Variants in TMCC1 observed in about 807,000 individuals in gnomAD.
The protein encoded by TMCC1 is transmembrane and coiled-coil domain family 1.
A neutral mutation model predicts 52.4 loss-of-function variants in TMCC1; 15 were observed. That is an observed-to-expected ratio of 0.29 (90% confidence interval 0.19 to 0.44). TMCC1 has a LOEUF of 0.44. TMCC1 is among the 20% of genes least tolerant of loss of function. The probability of loss-of-function intolerance (pLI) is 1.00; values close to 1 mark genes in which losing one functional copy is unlikely to be tolerated. For synonymous variants in TMCC1, 279 were observed against 301.9 expected (o/e 0.92, Z 0.79); for missense variants, 503 against 806.0 (o/e 0.62, Z 4.55).
intron 4 of TMCC1, among the ~76,000 whole-genome samples, chr3:129,805,900 C>T (rs996758612): frequency 9.2e-5 from 14 of 152,028 alleles, no homozygotes; most frequent in African/African-American, 3.4e-4. Context: ...CCACTGCACT[C>T]CAGCCTGGGC....
intron 4 of TMCC1, among the ~76,000 whole-genome samples, chr3:129,760,541 G>C (rs1248503675): frequency 1.3e-5 from 2 of 149,994 alleles, no homozygotes; most frequent in Non-Finnish European, 3.0e-5. Context: ...GTAGTGGCGC[G>C]ATCTCCGCTC....
At chr3:129,725,942 A>G (rs1442057891) in intron 4 of TMCC1, among the ~76,000 whole-genome samples, 1 of 152,150 alleles carries the variant, frequency 6.6e-6, no homozygotes, top group Non-Finnish European at 1.5e-5. Flanking sequence ...TAATGTTTTG[A>G]TTTCTACATT....
intron 2 of TMCC1, among the ~76,000 whole-genome samples, chr3:129,861,233 G>A (rs1465099082): frequency 6.6e-6 from 1 of 152,124 alleles, no homozygotes; most frequent in Non-Finnish European, 1.5e-5. Context: ...GAGGTCAGGA[G>A]ATCAAGACCA....
At chr3:129,676,417 T>A (rs1445727156) in intron 4 of TMCC1, among the ~76,000 whole-genome samples, 1 of 152,244 alleles carries the variant, frequency 6.6e-6, no homozygotes, top group East Asian at 1.9e-4. Flanking sequence ...ACTATGCTGC[T>A]TTGTCTGCAT....
At chr3:129,847,665 T>C (rs1334803674) in intron 2 of TMCC1, 1 of 152,234 alleles carries the variant, frequency 6.6e-6, no homozygotes, top group Non-Finnish European at 1.5e-5. Context: ...TTTGTGGATA[T>C]ACAGTTTCAT....
Position 129,828,593 on chromosome 3 carries a change from G to C in TMCC1, c.-130-85C>G. On this transcript the variant is annotated intron_variant, in intron 3 of 6. Coordinates refer to ENST00000393238, the MANE Select transcript of TMCC1 (RefSeq NM_001017395.5). This position sits in a 1 kb window ranked among gnomAD's most constrained non-coding sequence, Gnocchi z 4.1. ...GCAGAAACTCCAGTGTTAAAACAAAGAAAAACATGCTACTGGCCAAACAAA... is the reference window on the plus strand; with the variant it reads ...GCAGAAACTCCAGTGTTAAAACAAACAAAAACATGCTACTGGCCAAACAAA... The C allele has an allele frequency of 2.0e-6, 1 of 490,632 alleles. No individual in the cohort carries two copies. The highest frequency in any genetic ancestry group is 3.5e-6 in the Non-Finnish European group (1 of 281,784). The allele number at this position is 490,632 out of a possible 1,614,324, so 30.4% of individuals were successfully genotyped here. A position where few individuals can be genotyped will look rare whatever the true frequency, so the allele number is the denominator to read the frequency against.
intron 4 of TMCC1, among the ~76,000 whole-genome samples, chr3:129,765,318 T>A (rs1415267861): frequency 6.6e-6 from 1 of 152,082 alleles, no homozygotes; most frequent in Non-Finnish European, 1.5e-5. Context: ...GAAAAATAGC[T>A]GTCTTTAAAA....
chr3:129,734,685 A>C (rs2050804274), intron 4 of TMCC1, among the ~76,000 whole-genome samples: 1 of 152,170 alleles, frequency 6.6e-6, no homozygotes, highest in Non-Finnish European at 1.5e-5. Context: ...TCTGTCTCAA[A>C]AAACACAAAA....
intron 5 of TMCC1, among the ~76,000 whole-genome samples, chr3:129,664,079 C>T (rs755420213): frequency 4.1e-4 from 62 of 152,312 alleles, no homozygotes; most frequent in Admixed American, 3.1e-3. Context: ...GGGATGAGCT[C>T]ACCCATAAAT....
At chr3:129,760,281 C>T (rs1252921760) in intron 4 of TMCC1, among the ~76,000 whole-genome samples, 3 of 152,138 alleles carry the variant, frequency 2.0e-5, no homozygotes, top group Non-Finnish European at 4.4e-5. Context: ...ATAATCACAG[C>T]TTACCGCAGC....
At chr3:129,688,980 A>T (rs2089614985) in intron 4 of TMCC1, among the ~76,000 whole-genome samples, 1 of 152,230 alleles carries the variant, frequency 6.6e-6, no homozygotes, top group Non-Finnish European at 1.5e-5. Context: ...AATACAAAGA[A>T]AAAGCAATCT....
rs1361702525 is a variant in TMCC1, at chr3:129,671,199, G to A, written c.642C>T (p.Gly214=). Residue 214 remains glycine, a synonymous_variant, in exon 5 of 7, where the codon GGC becomes GGT. Coordinates refer to ENST00000393238, the MANE Select transcript of TMCC1 (RefSeq NM_001017395.5). ...TSSAVASSTD[G]SIHTDSVDGT... is the part of the protein sequence containing the mutation. Reference sequence around the variant, plus strand: ...CATCCACAGAGTCTGTGTGGATGCTGCCATCGGTACTGGAGGCCACTGCAC... The same window carrying A: ...CATCCACAGAGTCTGTGTGGATGCTACCATCGGTACTGGAGGCCACTGCAC... The A allele has an allele frequency of 1.2e-6, 2 of 1,614,056 alleles. No individual in the cohort carries two copies. The highest frequency in any genetic ancestry group is 1.7e-5 in the Admixed American group (1 of 59,990).
intron 4 of TMCC1, among the ~76,000 whole-genome samples, chr3:129,796,807 G>A (rs886406463): frequency 6.6e-5 from 10 of 152,144 alleles, no homozygotes; most frequent in Admixed American, 6.5e-4. Flanking sequence ...TCCAGTCTGC[G>A]CAACAGAGTG....
chr3:129,740,548 G>A (rs11929199), intron 4 of TMCC1, among the ~76,000 whole-genome samples: 260 of 152,172 alleles, frequency 1.7e-3, no homozygotes, highest in South Asian at 3.1e-3. Flanking sequence ...ACTCAACCAC[G>A]GGAAGGGTGA....
At chr3:129,787,744 G>C (rs1443921472) in intron 4 of TMCC1, among the ~76,000 whole-genome samples, 4 of 152,242 alleles carry the variant, frequency 2.6e-5, no homozygotes, top group Non-Finnish European at 5.9e-5. Flanking sequence ...AGTTTTTAAA[G>C]TGTTAATGAT....
At chr3:129,763,314 G>C (rs2053790107) in intron 4 of TMCC1, among the ~76,000 whole-genome samples, 1 of 149,258 alleles carries the variant, frequency 6.7e-6, no homozygotes, top group African/African-American at 2.5e-5. Context: ...GAGCCGAAGG[G>C]GACGGATCAC....
At chr3:129,703,154 C>T (rs1160482562) in intron 4 of TMCC1, among the ~76,000 whole-genome samples, 4 of 152,230 alleles carry the variant, frequency 2.6e-5, no homozygotes, top group Non-Finnish European at 4.4e-5. Context: ...TTCTTTGTTA[C>T]TTAATTTTCC....
At chr3:129,718,810 G>GTA (rs2049315949) in intron 4 of TMCC1, among the ~76,000 whole-genome samples, 1 of 152,068 alleles carries the variant, frequency 6.6e-6, no homozygotes, top group African/African-American at 2.4e-5. Context: ...TAAGAATAGA[G>GTA]TATATAATAC....
chr3:129,861,033 TA>T (rs1310891386), intron 2 of TMCC1: 1 of 152,156 alleles, frequency 6.6e-6, no homozygotes, highest in Non-Finnish European at 1.5e-5. Context: ...GGGGACAAAA[TA>T]AAACAAATGT....
Sources: allele counts gnomAD v4.1 joint callset (sites outside exome capture counted in the v4.1 genomes callset), GRCh38; gene constraint gnomAD v4.1.1; non-coding constraint Gnocchi (gnomAD v3.1); transcripts MANE v1.5; gene names NCBI Gene and HGNC (gene_info 2026-07-23, HGNC 2026-07-21).